Variants in MACROH2A1 observed in about 807,000 individuals in gnomAD.
MACROH2A1 encodes core histone macro-H2A.1.
A neutral mutation model predicts 31.6 loss-of-function variants in MACROH2A1; 2 were observed. The observed-to-expected ratio is 0.06, with a 90% CI of 0.03 to 0.20. The LOEUF is 0.20. Among genes scored for constraint, MACROH2A1 ranks in the 10% least tolerant of loss-of-function variants. MACROH2A1 has a pLI of 1.00. For synonymous variants in MACROH2A1, 169 were observed against 189.6 expected, an observed-to-expected ratio of 0.89 and a Z score of 0.89; for missense variants, 230 against 474.0, an observed-to-expected ratio of 0.49 and a Z score of 4.78.
At chr5:135,350,636 T>G (rs1761410317) in intron 6 of MACROH2A1, 1 of 517,422 alleles carries the variant, frequency 1.9e-6, no homozygotes. Context: ...TCAGCCAGGA[T>G]GCATGACATC....
rs896994411 is a variant in MACROH2A1 at position 135,337,986 on chromosome 5, C to T, written c.954-2845G>A. 1.2e-5 allele frequency: 14 copies of T among 1,205,270 alleles called. No individual in the cohort carries two copies. In the East Asian group the frequency reaches 2.8e-4, roughly 25 times the overall value. The allele number at this position is 1,205,270 out of a possible 1,614,324, so 74.7% of individuals were successfully genotyped here. On this transcript the variant is annotated intron_variant, in intron 8 of 8. Coordinates refer to ENST00000511689, the MANE Select transcript of MACROH2A1 (RefSeq NM_138610.3). Reference sequence around the variant, plus strand: ...ATGGGACTGTGGCTGCTCTGGACTGCGCAGGCTGCCAGGAAGGAATGGCGG... The same window carrying T: ...ATGGGACTGTGGCTGCTCTGGACTGTGCAGGCTGCCAGGAAGGAATGGCGG...
At chr5:135,376,826 A>C (rs1278809757) in intron 2 of MACROH2A1, among the ~76,000 whole-genome samples, 1 of 152,210 alleles carries the variant, frequency 6.6e-6, no homozygotes, top group Non-Finnish European at 1.5e-5. Context: ...CTACAACTGC[A>C]CTGTTAAAAA....
intron 2 of MACROH2A1, among the ~76,000 whole-genome samples, chr5:135,378,545 G>A (rs1480677641): frequency 6.6e-6 from 1 of 152,184 alleles, no homozygotes; most frequent in African/African-American, 2.4e-5. Flanking sequence ...TTGGGGACCG[G>A]GCATTTACCA....
intron 2 of MACROH2A1, among the ~76,000 whole-genome samples, chr5:135,380,863 G>A (rs1765569691): frequency 6.6e-6 from 1 of 152,222 alleles, no homozygotes; most frequent in South Asian, 2.1e-4. Context: ...CTCCTGGGAA[G>A]AGAACTGAAA....
At chr5:135,392,450 C>G (rs750910114) in intron 1 of MACROH2A1, among the ~76,000 whole-genome samples, 1 of 152,206 alleles carries the variant, frequency 6.6e-6, no homozygotes, top group Admixed American at 6.5e-5. Flanking sequence ...TGTACTTTAT[C>G]CCTCCCCATG....
intron 4 of MACROH2A1, among the ~76,000 whole-genome samples, chr5:135,367,494 G>A (rs1226620942): frequency 6.6e-6 from 1 of 152,212 alleles, no homozygotes; most frequent in Non-Finnish European, 1.5e-5. Context: ...AATACTTCAA[G>A]TCCAAAAAGT....
At chr5:135,388,876 C>T in intron 2 of MACROH2A1, 46 bp downstream of exon 2, 1 of 1,473,930 alleles carries the variant, frequency 6.8e-7, no homozygotes, top group Non-Finnish European at 9.3e-7. Flanking sequence ...ATGAGAACTT[C>T]TGCATCTTAA....
Position 135,369,616 on chromosome 5 carries a change from C to G in MACROH2A1, c.280-13G>C. The G allele has an allele frequency of 1.9e-6, 3 of 1,605,944 alleles. No individual in the cohort carries two copies. The highest frequency in any genetic ancestry group is 2.6e-6 in the Non-Finnish European group (3 of 1,173,296). The stretch of plus-strand genomic sequence containing the variant: ...CTCCTTTTAGCAGCTTTCAGGAAAA[C>G]CAGAATAGCAGATAGTGAGCCAGAT... On this transcript the variant is annotated splice_polypyrimidine_tract_variant and intron_variant, in intron 3 of 8. Transcript: ENST00000511689. This position sits in a 1 kb window ranked among gnomAD's most constrained non-coding sequence, Gnocchi z 4.3.
intron 6 of MACROH2A1, chr5:135,351,263 T>G: frequency 6.0e-6 from 1 of 165,384 alleles, no homozygotes; most frequent in Non-Finnish European, 1.3e-5. Flanking sequence ...TACTAAAACA[T>G]GGCATCTGTT....
At chr5:135,350,142 A>G (rs1006367180) in intron 6 of MACROH2A1, among the ~76,000 whole-genome samples, 4 of 152,180 alleles carry the variant, frequency 2.6e-5, no homozygotes, top group Admixed American at 1.3e-4. Context: ...ACCCTCAGCT[A>G]TTTAGCACAC....
chr5:135,361,530 TTG>T (rs1762847356), intron 4 of MACROH2A1: 1 of 152,202 alleles, frequency 6.6e-6, no homozygotes, highest in Non-Finnish European at 1.5e-5. Context: ...TTCAAATAAA[TTG>T]TAGAGTAAGG....
In MACROH2A1 at chr5:135,360,529, G is replaced by A. The variant is rs1581219692; in HGVS notation, c.556C>T (p.Leu186Phe). ...CCAAGGAAGAGGCTCTTGGTGGAGAGGACTGTGAAGCCGTCGGCAGGTGTG... is the reference window on the plus strand; with the variant it reads ...CCAAGGAAGAGGCTCTTGGTGGAGAAGACTGTGAAGCCGTCGGCAGGTGTG... ...EGTPADGFTV[L>F]STKSLFLGQK... Residue 186 changes from leucine (L) to phenylalanine (F), a missense_variant, in exon 5 of 9, where the codon CTC (leucine) becomes TTC (phenylalanine). Transcript: ENST00000511689. 1 of 1,613,530 alleles carries A rather than the reference G, an allele frequency of 6.2e-7. No individual in the cohort carries two copies. Among genetic ancestry groups the A allele is most frequent in the East Asian group, 2.2e-5 (1 of 44,872 alleles).
intron 5 of MACROH2A1, chr5:135,354,957 T>C (rs1182536961): frequency 4.9e-6 from 2 of 407,024 alleles, no homozygotes; most frequent in Non-Finnish European, 9.8e-6. Context: ...GTAATGTGGA[T>C]GTGTATGCTT....
chr5:135,341,456 G>A (rs888061441), intron 8 of MACROH2A1, among the ~76,000 whole-genome samples: 5 of 152,204 alleles, frequency 3.3e-5, no homozygotes, highest in African/African-American at 9.7e-5. Flanking sequence ...GGCGGGTGGC[G>A]GGCAGTGATA....
At chr5:135,377,040 C>T (rs1262164843) in intron 2 of MACROH2A1, among the ~76,000 whole-genome samples, 2 of 152,196 alleles carry the variant, frequency 1.3e-5, no homozygotes, top group Admixed American at 6.5e-5. Flanking sequence ...CACTTGAACT[C>T]GATTAACCTC....
chr5:135,369,913 T>C lies in MACROH2A1; in HGVS notation c.279+123A>G. 3.0e-6 allele frequency: 2 copies of C among 664,010 alleles called. No individual in the cohort carries two copies. The highest frequency in any genetic ancestry group is 2.8e-5 in the Admixed American group (1 of 36,176). The allele number at this position is 664,010 out of a possible 1,614,324, so 41.1% of individuals were successfully genotyped here. On this transcript the variant is annotated intron_variant, in intron 3 of 8. Coordinates refer to ENST00000511689, the MANE Select transcript of MACROH2A1 (RefSeq NM_138610.3). The surrounding 1 kb of genome is among the most constrained non-coding windows in gnomAD (Gnocchi z 4.3). ...CTGCCATGGGAGGCAGAGAAGCTGC[T>C]AATTAATCCAAAAGGCAGTCCACAC...
At chr5:135,385,695 G>C (rs1460724808) in intron 2 of MACROH2A1, among the ~76,000 whole-genome samples, 1 of 152,182 alleles carries the variant, frequency 6.6e-6, no homozygotes, top group Non-Finnish European at 1.5e-5. Flanking sequence ...GTTCTTGTGG[G>C]GCTGGCTGGC....
chr5:135,389,175 G>A, intron 1 of MACROH2A1, 49 bp from the exon 2 acceptor site: 2 of 1,425,472 alleles, frequency 1.4e-6, no homozygotes, highest in Non-Finnish European at 1.9e-6. Context: ...GACAGCACAT[G>A]TCCCCTTTCC....
intron 8 of MACROH2A1, among the ~76,000 whole-genome samples, chr5:135,339,715 T>C (rs1273824755): frequency 2.0e-5 from 3 of 152,164 alleles, no homozygotes; most frequent in Non-Finnish European, 2.9e-5. Context: ...AATTGCCAGG[T>C]TGAAGTTGCC....
Sources: allele counts gnomAD v4.1 joint callset (sites outside exome capture counted in the v4.1 genomes callset), GRCh38; gene constraint gnomAD v4.1.1; non-coding constraint Gnocchi (gnomAD v3.1); transcripts MANE v1.5; gene names NCBI Gene and HGNC (gene_info 2026-07-23, HGNC 2026-07-21).